Variants in ADGRL3 observed in about 807,000 individuals in gnomAD.
ADGRL3 encodes the protein adhesion G protein-coupled receptor L3.
Under a neutral mutation model 153.5 loss-of-function variants are expected in ADGRL3, and 62 were observed. The observed-to-expected ratio is 0.40, with a 90% CI of 0.33 to 0.50. ADGRL3 has a LOEUF of 0.50. ADGRL3 is among the 20% of genes least tolerant of loss of function. The pLI, the probability that ADGRL3 is intolerant of heterozygous loss-of-function variation, is 0.47. For missense variants in ADGRL3, 1,641 were observed against 1,859.4 expected, an observed-to-expected ratio of 0.88 and a Z score of 2.16; for synonymous variants, 710 against 672.5, an observed-to-expected ratio of 1.06 and a Z score of -0.86.
chr4:61,591,181 A>T (rs2098967589), intron 5 of ADGRL3, among the ~76,000 whole-genome samples: 3 of 152,254 alleles, frequency 2.0e-5, no homozygotes, highest in South Asian at 2.1e-4. Context: ...AAAAGGTTTC[A>T]TATATTGTAT....
intron 9 of ADGRL3, among the ~76,000 whole-genome samples, chr4:61,827,857 C>T (rs889235058): frequency 2.0e-5 from 3 of 152,044 alleles, no homozygotes; most frequent in Non-Finnish European, 4.4e-5. Flanking sequence ...GTACATGTAG[C>T]GTGAAACATG....
intron 4 of ADGRL3, among the ~76,000 whole-genome samples, chr4:61,572,502 A>G (rs1473821094): frequency 6.6e-6 from 1 of 152,140 alleles, no homozygotes; most frequent in Non-Finnish European, 1.5e-5. Flanking sequence ...GAAAGGAAAC[A>G]CAATATTAAA....
intron 2 of ADGRL3, among the ~76,000 whole-genome samples, chr4:61,476,708 T>TAAACAAAAAAAAAAAAAAAAAAA (rs2098061468): frequency 3.0e-5 from 1 of 33,558 alleles, no homozygotes. Flanking sequence ...AGACTCTGTC[T>TAAACAAAAAAAAAAAAAAAAAAA]AAAAAAAAAA....
At chr4:61,513,665 C>G (rs927965836) in intron 3 of ADGRL3, among the ~76,000 whole-genome samples, 1 of 152,026 alleles carries the variant, frequency 6.6e-6, no homozygotes, top group Non-Finnish European at 1.5e-5. Flanking sequence ...ATGGCAATAA[C>G]TCATATTACT....
At chr4:61,984,221 A>G (rs1001800054) in intron 19 of ADGRL3, among the ~76,000 whole-genome samples, 3 of 152,176 alleles carry the variant, frequency 2.0e-5, no homozygotes, top group African/African-American at 7.2e-5. Flanking sequence ...ACCCAGAGTA[A>G]ATCAAAGTTT....
intron 9 of ADGRL3, among the ~76,000 whole-genome samples, chr4:61,888,819 T>C (rs1184272123): frequency 6.6e-6 from 1 of 152,228 alleles, no homozygotes. Context: ...GTATCATTGT[T>C]ATTGCTTCAT....
chr4:61,723,835 AG>A (rs1209424046), intron 6 of ADGRL3, among the ~76,000 whole-genome samples: 2 of 152,144 alleles, frequency 1.3e-5, no homozygotes, highest in Non-Finnish European at 2.9e-5. Context: ...TAAAAGAAAA[AG>A]CCTTACCGAG....
chr4:61,395,319 G>A (rs1334528888), intron 2 of ADGRL3, among the ~76,000 whole-genome samples: 2 of 151,970 alleles, frequency 1.3e-5, no homozygotes, highest in Non-Finnish European at 1.5e-5. Flanking sequence ...AATAGGACAA[G>A]GACAGAGGAA....
intron 2 of ADGRL3, among the ~76,000 whole-genome samples, chr4:61,487,477 T>C (rs115117931): frequency 0.019 from 2,851 of 152,202 alleles, 96 homozygotes; most frequent in African/African-American, 0.064. Flanking sequence ...GGAAGATGAT[T>C]ATTTTTCTTG....
chr4:61,651,355 T>C (rs1321615448), intron 5 of ADGRL3, among the ~76,000 whole-genome samples: 2 of 152,114 alleles, frequency 1.3e-5, no homozygotes, highest in African/African-American at 4.8e-5. Context: ...TCACTAAATA[T>C]ATGTATATTA....
intron 1 of ADGRL3, among the ~76,000 whole-genome samples, chr4:61,355,913 A>C (rs1228215038): frequency 6.6e-6 from 1 of 152,078 alleles, no homozygotes. Context: ...GTAATCTTGA[A>C]GCTCTTAATG....
At chr4:61,548,139 G>T (rs2098722862) in intron 4 of ADGRL3, among the ~76,000 whole-genome samples, 1 of 151,748 alleles carries the variant, frequency 6.6e-6, no homozygotes, top group South Asian at 2.1e-4. Context: ...TTTGCTTTTT[G>T]CTTGCACATT....
intron 1 of ADGRL3, among the ~76,000 whole-genome samples, chr4:61,281,363 T>C (rs977003606): frequency 2.6e-5 from 4 of 152,180 alleles, no homozygotes; most frequent in African/African-American, 7.2e-5. Flanking sequence ...AATATTTCTC[T>C]GACCTAACCT....
intron 3 of ADGRL3, among the ~76,000 whole-genome samples, chr4:61,513,445 T>C (rs185505649): frequency 3.7e-4 from 57 of 152,314 alleles, no homozygotes; most frequent in African/African-American, 1.3e-3. Flanking sequence ...CTTGCCATCT[T>C]ATCTGCCCAC....
chr4:61,342,168 G>A lies in ADGRL3; in HGVS notation c.-239-40956G>A, dbSNP rs182609275. Among the ~76,000 whole-genome samples, 304 of 152,198 alleles carry A rather than the reference G, an allele frequency of 2.0e-3. 5 individuals are homozygous for A. Among genetic ancestry groups the A allele is most frequent in the Admixed American group, 0.016 (248 of 15,258 alleles). Reference sequence around the variant, plus strand: ...ATTTCAAATTTTCCTTGCTGCTGCTGAGGGTTTTTTATGATTCCTGGAGGC... The same window carrying A: ...ATTTCAAATTTTCCTTGCTGCTGCTAAGGGTTTTTTATGATTCCTGGAGGC... On this transcript the variant is annotated intron_variant, in intron 1 of 26. Coordinates refer to ENST00000683033, the MANE Select transcript of ADGRL3 (RefSeq NM_001387552.1).
intron 2 of ADGRL3, among the ~76,000 whole-genome samples, chr4:61,411,421 G>A (rs534615568): frequency 4.6e-5 from 7 of 152,238 alleles, no homozygotes; most frequent in Admixed American, 3.3e-4. Flanking sequence ...CATATCAGGA[G>A]GCAAGTGATG....
chr4:61,560,286 G>C (rs559875013), intron 4 of ADGRL3, among the ~76,000 whole-genome samples: 2 of 152,190 alleles, frequency 1.3e-5, no homozygotes, highest in South Asian at 4.1e-4. Context: ...TGGTTCATAA[G>C]ATAATGCATG....
intron 8 of ADGRL3, among the ~76,000 whole-genome samples, chr4:61,795,220 T>C (rs1356606396): frequency 6.6e-6 from 1 of 152,148 alleles, no homozygotes; most frequent in Non-Finnish European, 1.5e-5. Context: ...CTCGAACTTC[T>C]AGGCTCAAAC....
intron 8 of ADGRL3, among the ~76,000 whole-genome samples, chr4:61,785,032 AC>A (rs902001615): frequency 9.2e-5 from 14 of 152,210 alleles, no homozygotes; most frequent in African/African-American, 2.9e-4. Flanking sequence ...CATGTAAGTG[AC>A]ATGTGAGTGC....
Sources: gnomAD v4.1 joint callset for allele counts (sites outside exome capture counted in the v4.1 genomes callset) on GRCh38, gnomAD v4.1.1 for gene constraint, MANE v1.5 for transcripts, NCBI Gene and HGNC (gene_info 2026-07-23, HGNC 2026-07-21) for gene names.